The following SAMMSON variants were observed in gnomAD, a reference collection of about 807,000 sequenced individuals.
SAMMSON encodes the protein survival associated mitochondrial melanoma specific oncogenic non-coding RNA.
intron 4 of SAMMSON, among the ~76,000 whole-genome samples, chr3:70,231,594 TG>T (rs1419232502): frequency 3.3e-5 from 5 of 152,154 alleles, no homozygotes; most frequent in Non-Finnish European, 5.9e-5. Flanking sequence ...GAGAACAGGC[TG>T]GGGTGTCCTT....
intron 3 of SAMMSON, among the ~76,000 whole-genome samples, chr3:70,035,679 C>T (rs1335400147): frequency 6.6e-6 from 1 of 152,142 alleles, no homozygotes; most frequent in East Asian, 1.9e-4. Flanking sequence ...GCTGATTCTG[C>T]ATTCCAAAAA....
intron 9 of SAMMSON, among the ~76,000 whole-genome samples, chr3:70,371,398 T>C (rs1364723693): frequency 2.6e-5 from 4 of 152,166 alleles, no homozygotes; most frequent in Non-Finnish European, 5.9e-5. Context: ...GTAGATTGCT[T>C]TGGGTTGTAT....
intron 7 of SAMMSON, among the ~76,000 whole-genome samples, chr3:70,317,415 T>G (rs1353528907): frequency 1.3e-5 from 2 of 151,962 alleles, no homozygotes; most frequent in African/African-American, 4.8e-5. Context: ...AAGTACAATT[T>G]TTTTAGACAT....
At chr3:70,014,832 A>T (rs1184846111) in intron 3 of SAMMSON, 2 of 152,180 alleles carry the variant, frequency 1.3e-5, no homozygotes, top group East Asian at 1.9e-4. Flanking sequence ...TTGTGGTGTT[A>T]GTTAAAGATT....
intron 4 of SAMMSON, among the ~76,000 whole-genome samples, chr3:70,207,709 T>A (rs984956362): frequency 2.6e-5 from 4 of 152,054 alleles, no homozygotes; most frequent in African/African-American, 9.7e-5. Context: ...TACATAGCAT[T>A]TACATAGTAT....
chr3:70,115,331 G>T (rs941678429), intron 4 of SAMMSON, among the ~76,000 whole-genome samples: 1 of 151,896 alleles, frequency 6.6e-6, no homozygotes, highest in African/African-American at 2.4e-5. Flanking sequence ...TAAGGACTAT[G>T]TGTGTTCACT....
intron 4 of SAMMSON, among the ~76,000 whole-genome samples, chr3:70,159,243 T>C (rs1474069437): frequency 6.6e-6 from 1 of 152,108 alleles, no homozygotes; most frequent in African/African-American, 2.4e-5. Flanking sequence ...GTTACATATG[T>C]ATACATGTGC....
chr3:70,100,671 C>T (rs964652983), intron 4 of SAMMSON, among the ~76,000 whole-genome samples: 9 of 152,054 alleles, frequency 5.9e-5, no homozygotes, highest in Non-Finnish European at 1.0e-4. Context: ...TGAATCTGAA[C>T]GATATGTTAA....
intron 4 of SAMMSON, among the ~76,000 whole-genome samples, chr3:70,133,319 C>G (rs2067491103): frequency 6.6e-6 from 1 of 152,130 alleles, no homozygotes. Context: ...CGCAAAAGGA[C>G]AGGGTTCAGA....
chr3:70,414,195 GC>G (rs1361344101), intron 2 of SAMMSON, among the ~76,000 whole-genome samples: 2 of 152,000 alleles, frequency 1.3e-5, no homozygotes, highest in African/African-American at 4.8e-5. Context: ...AAACTGATTT[GC>G]TCTGGTTCAC....
At chr3:70,288,233 C>T (rs1702188872) in intron 6 of SAMMSON, among the ~76,000 whole-genome samples, 2 of 129,726 alleles carry the variant, frequency 1.5e-5, no homozygotes, top group African/African-American at 3.0e-5. Flanking sequence ...GCTTTGAATG[C>T]ATCCCAGAGA....
At chr3:70,083,502 G>T (rs1237905727) in intron 4 of SAMMSON, among the ~76,000 whole-genome samples, 1 of 152,082 alleles carries the variant, frequency 6.6e-6, no homozygotes, top group Non-Finnish European at 1.5e-5. Flanking sequence ...ACCAAATCTT[G>T]GCCATGACCT....
intron 6 of SAMMSON, among the ~76,000 whole-genome samples, chr3:70,281,447 A>G (rs1015298526): frequency 4.6e-5 from 7 of 152,176 alleles, no homozygotes; most frequent in African/African-American, 1.7e-4. Flanking sequence ...TAGGCAAGTA[A>G]TCGTGAACAG....
chr3:70,016,333 C>G (rs2066985631), intron 3 of SAMMSON, among the ~76,000 whole-genome samples: 1 of 152,056 alleles, frequency 6.6e-6, no homozygotes, highest in Admixed American at 6.5e-5. Flanking sequence ...AGCATTTTTT[C>G]ATGTGTCTGT....
At chr3:70,065,902 C>T (rs558704239) in intron 3 of SAMMSON, among the ~76,000 whole-genome samples, 1 of 152,204 alleles carries the variant, frequency 6.6e-6, no homozygotes, top group African/African-American at 2.4e-5. Context: ...TTTCTATCTG[C>T]AGCATTATCA....
intron 3 of SAMMSON, among the ~76,000 whole-genome samples, chr3:70,034,707 G>A (rs2067078999): frequency 6.6e-6 from 1 of 152,140 alleles, no homozygotes; most frequent in Admixed American, 6.6e-5. Context: ...AGCTGGGCAT[G>A]GTAGCGGGCA....
chr3:70,387,485 T>A (rs1231201817), intron 9 of SAMMSON, among the ~76,000 whole-genome samples: 1 of 152,128 alleles, frequency 6.6e-6, no homozygotes, highest in African/African-American at 2.4e-5. Context: ...TCCAGATTTT[T>A]ATTTTTTCAC....
At chr3:70,047,733 CT>C (rs2067132229) in intron 3 of SAMMSON, among the ~76,000 whole-genome samples, 3 of 152,058 alleles carry the variant, frequency 2.0e-5, no homozygotes, top group Admixed American at 2.0e-4. Flanking sequence ...AGTTCTGGAG[CT>C]TGGAAGTCCA....
chr3:70,387,635 A>G (rs1289234831), intron 9 of SAMMSON, among the ~76,000 whole-genome samples: 1 of 152,038 alleles, frequency 6.6e-6, no homozygotes, highest in Non-Finnish European at 1.5e-5. Context: ...GTTGAATTTG[A>G]GTTAAGATAT....
Sources: gnomAD v4.1 joint callset for allele counts (sites outside exome capture counted in the v4.1 genomes callset) on GRCh38, gnomAD v4.1.1 for gene constraint, MANE v1.5 for transcripts, NCBI Gene and HGNC (gene_info 2026-07-23, HGNC 2026-07-21) for gene names.